TENM1: variants seen among roughly 807,000 people sequenced by gnomAD.
TENM1 encodes the protein teneurin transmembrane protein 1, also known as teneurin-1.
Under a neutral mutation model 174.8 loss-of-function variants are expected in TENM1, and 35 were observed. The observed-to-expected ratio is 0.20, with a 90% CI of 0.15 to 0.27. The LOEUF (loss-of-function observed/expected upper bound fraction) is 0.27. Ranked by LOEUF, TENM1 falls within the 10% of genes least tolerant of loss-of-function variation. TENM1 has a pLI of 1.00. For missense variants in TENM1, 1,633 were observed against 2,130.1 expected (o/e 0.77, Z 4.59); for synonymous variants, 781 against 798.7 (o/e 0.98, Z 0.37).
At chrX:124,670,995 TCCTATTTCAATAAAAATATA>T (rs2051906118) in intron 6 of TENM1, among the ~76,000 whole-genome samples, 2 of 111,524 alleles carry the variant, frequency 1.8e-5, no homozygotes, top group East Asian at 5.6e-4. Flanking sequence ...CTGTACTGAA[TCCTATTTCAATAAAAATATA>T]AATTTCCAGC....
chrX:124,852,011 T>C (rs1278721021), intron 3 of TENM1, among the ~76,000 whole-genome samples: 1 of 111,501 alleles, frequency 9.0e-6, no homozygotes, highest in Non-Finnish European at 1.9e-5. Flanking sequence ...GAACTGGCTA[T>C]TGAATAGTGC....
intron 3 of TENM1, among the ~76,000 whole-genome samples, chrX:124,799,694 A>C (rs1372719462): frequency 8.9e-6 from 1 of 111,779 alleles, no homozygotes; most frequent in Non-Finnish European, 1.9e-5. Context: ...TTTCAAAGGG[A>C]ATGCTTCCAG....
At chrX:124,987,465 T>C in the TENM1 span, among the ~76,000 whole-genome samples, 2 of 111,820 alleles carry the variant, frequency 1.8e-5, no homozygotes, top group African/African-American at 3.2e-5. Flanking sequence ...TATTATGTCA[T>C]CACTTAAAGT....
At chrX:124,730,889 G>A (rs773765566) in intron 4 of TENM1, among the ~76,000 whole-genome samples, 37 of 111,642 alleles carry the variant, frequency 3.3e-4, no homozygotes, top group African/African-American at 1.2e-3. Flanking sequence ...AAAAGAGCTT[G>A]CTGAAGTAAA....
chrX:125,084,435 GC>G, the TENM1 span, among the ~76,000 whole-genome samples: 1 of 110,170 alleles, frequency 9.1e-6, no homozygotes, highest in Non-Finnish European at 1.9e-5. Flanking sequence ...ATATTCTGTC[GC>G]TTTAGTAGTA....
intron 1 of TENM1, among the ~76,000 whole-genome samples, chrX:124,950,209 C>T (rs1022367455): frequency 9.0e-6 from 1 of 111,700 alleles, no homozygotes; most frequent in Non-Finnish European, 1.9e-5. Flanking sequence ...GCAATTTGAA[C>T]CCAAATTGCT....
At chrX:124,525,660 C>A (rs1242585761) in intron 16 of TENM1, among the ~76,000 whole-genome samples, 1 of 111,962 alleles carries the variant, frequency 8.9e-6, no homozygotes, top group Non-Finnish European at 1.9e-5. Flanking sequence ...ACAGACAGGC[C>A]AGGCATCTTG....
chrX:124,753,797 A>G (rs1232077198), intron 3 of TENM1, among the ~76,000 whole-genome samples: 7 of 111,459 alleles, frequency 6.3e-5, no homozygotes, highest in African/African-American at 2.3e-4. Flanking sequence ...ACATTTATTG[A>G]TTTGCGTCTA....
chrX:124,422,154 C>T (rs2060660434), intron 24 of TENM1, 118 bp downstream of exon 27: 2 of 935,153 alleles, frequency 2.1e-6, no homozygotes, highest in South Asian at 4.8e-5. Flanking sequence ...TCTCCACTAG[C>T]TCATACCAAT....
intron 5 of TENM1, among the ~76,000 whole-genome samples, chrX:124,687,609 A>G (rs1037293306): frequency 8.9e-6 from 1 of 112,557 alleles, no homozygotes; most frequent in Non-Finnish European, 1.9e-5. Context: ...GATCTTCTGC[A>G]CAGCACAAGA....
chrX:124,910,779 T>C (rs2057823729), intron 1 of TENM1, among the ~76,000 whole-genome samples: 2 of 111,724 alleles, frequency 1.8e-5, no homozygotes, highest in African/African-American at 6.5e-5. Context: ...CATTTGTTTT[T>C]TCCCCCTTTC....
the TENM1 span, among the ~76,000 whole-genome samples, chrX:125,041,922 G>T: frequency 9.0e-6 from 1 of 111,269 alleles, no homozygotes; most frequent in Non-Finnish European, 1.9e-5. Flanking sequence ...AAGAGTAGGA[G>T]AAAAAAATTG....
At chrX:124,711,371 G>T (rs905103689) in intron 4 of TENM1, among the ~76,000 whole-genome samples, 1 of 111,954 alleles carries the variant, frequency 8.9e-6, no homozygotes, top group Non-Finnish European at 1.9e-5. Flanking sequence ...ACTAAATAAT[G>T]TGATTTAATG....
intron 5 of TENM1, among the ~76,000 whole-genome samples, chrX:124,683,926 T>A (rs1327276367): frequency 4.5e-5 from 5 of 112,240 alleles, no homozygotes; most frequent in Non-Finnish European, 7.5e-5. Flanking sequence ...TGGCAGTATT[T>A]TAGTTTCATT....
intron 3 of TENM1, among the ~76,000 whole-genome samples, chrX:124,775,754 C>CTA (rs2054768841): frequency 1.8e-5 from 2 of 112,018 alleles, no homozygotes; most frequent in Admixed American, 1.9e-4. Context: ...CTAGTACTGC[C>CTA]TAGCTCTGAA....
intron 3 of TENM1, among the ~76,000 whole-genome samples, chrX:124,834,344 G>A (rs1481509954): frequency 5.4e-5 from 6 of 111,064 alleles, no homozygotes; most frequent in Non-Finnish European, 1.1e-4. Flanking sequence ...GCTAATTTTT[G>A]TAGGTTTAGT....
At chrX:124,708,839 T>C (rs1289326008) in intron 4 of TENM1, among the ~76,000 whole-genome samples, 1 of 110,121 alleles carries the variant, frequency 9.1e-6, no homozygotes, top group Non-Finnish European at 1.9e-5. Context: ...GTAACTAAGA[T>C]AAAAAAAAAG....
rs766981805 is a variant in TENM1, at chrX:124,743,758, A to C, written c.536-6561T>G. On this transcript the variant is annotated intron_variant, in intron 3 of 31. Coordinates refer to ENST00000422452, the Ensembl canonical transcript of TENM1. The stretch of plus-strand genomic sequence containing the variant: ...TGTCAGTTAGGTTGATCTTTGTTAC[A>C]ATCACTGGAAATGAAGGTCAACAAT... Among the ~76,000 whole-genome samples, 11 of 111,562 alleles carry C rather than the reference A, an allele frequency of 9.9e-5. No homozygotes were observed. In the South Asian group the frequency reaches 2.2e-3, roughly 23 times the overall value.
intron 11 of TENM1, among the ~76,000 whole-genome samples, chrX:124,589,383 T>C (rs2049670158): frequency 9.2e-6 from 1 of 108,591 alleles, no homozygotes; most frequent in African/African-American, 3.3e-5. Flanking sequence ...GTTGTTGTTG[T>C]TGTTGTTGTA....
Sources: allele counts gnomAD v4.1 joint callset (sites outside exome capture counted in the v4.1 genomes callset), GRCh38; gene constraint gnomAD v4.1.1; transcripts MANE v1.5; gene names NCBI Gene and HGNC (gene_info 2026-07-23, HGNC 2026-07-21).